MYO16: variants seen among roughly 807,000 people sequenced by gnomAD.
MYO16 encodes the protein myosin XVI, also known as unconventional myosin-XVI.
A neutral mutation model predicts 205.3 loss-of-function variants in MYO16; 94 were observed. The ratio of observed to expected loss-of-function variants is 0.46; its 90% CI spans 0.39 to 0.54. The LOEUF (loss-of-function observed/expected upper bound fraction) is 0.54. Among genes scored for constraint, MYO16 ranks in the 20% least tolerant of loss-of-function variants. The pLI is 0.00. For synonymous variants in MYO16, 988 were observed against 954.0 expected, an observed-to-expected ratio of 1.04 and a Z score of -0.66; for missense variants, 2,315 against 2,387.5, an observed-to-expected ratio of 0.97 and a Z score of 0.63.
chr13:108,577,435 C>T, the MYO16 span, among the ~76,000 whole-genome samples: 1 of 152,150 alleles, frequency 6.6e-6, no homozygotes, highest in African/African-American at 2.4e-5. Flanking sequence ...TGTGCTCCAG[C>T]ACCGGGCACC....
chr13:109,053,273 C>G (rs1887308819), intron 25 of MYO16, among the ~76,000 whole-genome samples: 1 of 151,974 alleles, frequency 6.6e-6, no homozygotes, highest in Admixed American at 6.6e-5. Context: ...TAATTAAATT[C>G]AATTCTATTT....
At position 108,910,038 on chromosome 13, in the gene MYO16, C is replaced by T; in HGVS notation, c.1813C>T (p.Leu605Phe). ...TACATATTTGCTAGAGAAATCCAGA[C>T]TTGTTTCACAACCTCTTGGCCAGAG... Reference protein sequence around the residue: ...IYTYLLEKSRLVSQPLGQSNF... With the variant: ...IYTYLLEKSRFVSQPLGQSNF... Residue 605 changes from leucine (L) to phenylalanine (F), a missense_variant, in exon 16 of 35, where the codon CTT (leucine) becomes TTT (phenylalanine). By Grantham distance (22) the Leu-to-Phe change is conservative. Coordinates refer to ENST00000457511, the MANE Select transcript of MYO16 (RefSeq NM_001198950.3). 1.2e-6 allele frequency: 2 copies of T among 1,613,464 alleles called. No homozygotes were observed. The highest frequency in any genetic ancestry group is 1.7e-6 in the Non-Finnish European group (2 of 1,179,656).
chr13:108,957,643 G>C (rs1468356297), intron 16 of MYO16, 45 bp from the exon 17 acceptor site: 1 of 1,379,746 alleles, frequency 7.2e-7, no homozygotes, highest in Non-Finnish European at 1.0e-6. Flanking sequence ...ACAGAAGTCT[G>C]ACCGGAAGCC....
intron 32 of MYO16, among the ~76,000 whole-genome samples, chr13:109,146,003 T>G (rs1877311580): frequency 6.6e-6 from 1 of 152,218 alleles, no homozygotes; most frequent in South Asian, 2.1e-4. Flanking sequence ...AGCTTATAAG[T>G]TATAAACAGG....
chr13:108,962,510 C>T lies in MYO16; in HGVS notation c.2227+15C>T, dbSNP rs371370650. On this transcript the variant is annotated intron_variant, in intron 19 of 34. Coordinates refer to ENST00000457511, the MANE Select transcript of MYO16 (RefSeq NM_001198950.3). Reference sequence around the variant, plus strand: ...ATATTTTAAAGGTAATTTTTTTATGCTCTAACATCTTTGTGCAATTTAGAA... The same window carrying T: ...ATATTTTAAAGGTAATTTTTTTATGTTCTAACATCTTTGTGCAATTTAGAA... The T allele has an allele frequency of 1.3e-6, 2 of 1,518,268 alleles. No homozygotes were observed. The highest frequency in any genetic ancestry group is 1.8e-6 in the Non-Finnish European group (2 of 1,113,334). The allele number at this position is 1,518,268 out of a possible 1,614,324, so 94.0% of individuals were successfully genotyped here.
At chr13:108,997,807 C>T (rs1360808575) in intron 21 of MYO16, among the ~76,000 whole-genome samples, 1 of 152,176 alleles carries the variant, frequency 6.6e-6, no homozygotes, top group African/African-American at 2.4e-5. Flanking sequence ...CACCGTACTC[C>T]AGCCTGGGCA....
At chr13:109,050,696 C>A (rs1594503111) in intron 24 of MYO16, among the ~76,000 whole-genome samples, 1 of 152,132 alleles carries the variant, frequency 6.6e-6, no homozygotes. Context: ...TAATAATTCC[C>A]ACTGCTTTAT....
chr13:108,805,215 G>C (rs1179054434), intron 6 of MYO16, among the ~76,000 whole-genome samples: 1 of 152,090 alleles, frequency 6.6e-6, no homozygotes, highest in Non-Finnish European at 1.5e-5. Context: ...ATATCATTTT[G>C]GGGACTGTTT....
intron 6 of MYO16, among the ~76,000 whole-genome samples, chr13:108,799,421 A>G (rs1886902108): frequency 6.6e-6 from 1 of 152,230 alleles, no homozygotes; most frequent in Non-Finnish European, 1.5e-5. Flanking sequence ...ATGTGCTTCT[A>G]TATCATTCCA....
At chr13:108,499,212 A>C in the MYO16 span, among the ~76,000 whole-genome samples, 2 of 152,176 alleles carry the variant, frequency 1.3e-5, no homozygotes, top group Non-Finnish European at 2.9e-5. Flanking sequence ...ACAACGCAAA[A>C]TTATAAAAAT....
chr13:108,694,812 T>G (rs994328115), intron 2 of MYO16, among the ~76,000 whole-genome samples: 1 of 152,194 alleles, frequency 6.6e-6, no homozygotes, highest in East Asian at 1.9e-4. Flanking sequence ...GAGGATTTCC[T>G]TCTAAGAGTA....
chr13:108,883,234 C>G, intron 13 of MYO16, 48 bp downstream of exon 13: 2 of 1,592,580 alleles, frequency 1.3e-6, no homozygotes, highest in Non-Finnish European at 1.7e-6. Flanking sequence ...TGCCACGGGG[C>G]TTGGCAGTAA....
intron 23 of MYO16, among the ~76,000 whole-genome samples, chr13:109,034,286 T>C (rs935751571): frequency 1.3e-5 from 2 of 152,182 alleles, no homozygotes; most frequent in African/African-American, 4.8e-5. Context: ...CCCACCCAAA[T>C]CTCATCTTGA....
At chr13:108,943,995 A>G (rs555716888) in intron 16 of MYO16, among the ~76,000 whole-genome samples, 1 of 152,352 alleles carries the variant, frequency 6.6e-6, no homozygotes, top group East Asian at 1.9e-4. Flanking sequence ...AGTGAGAAGG[A>G]CATTTAGAAC....
intron 7 of MYO16, among the ~76,000 whole-genome samples, chr13:108,811,054 G>T (rs1028063441): frequency 2.6e-5 from 4 of 152,026 alleles, no homozygotes; most frequent in African/African-American, 9.7e-5. Context: ...TTCTAGTCTT[G>T]TATGTATTTA....
chr13:109,014,291 A>G (rs1258318690), intron 22 of MYO16, among the ~76,000 whole-genome samples: 1 of 151,960 alleles, frequency 6.6e-6, no homozygotes, highest in Non-Finnish European at 1.5e-5. Context: ...GTGTGGTGTT[A>G]TTTCTGAGCC....
upstream of MYO16, among the ~76,000 whole-genome samples, chr13:108,627,344 A>C (rs1879782684): frequency 6.6e-6 from 1 of 152,180 alleles, no homozygotes; most frequent in Admixed American, 6.5e-5. Context: ...AAGTAGTTTA[A>C]GAAATCTGTG....
chr13:109,129,688 G>A (rs1419155540), intron 31 of MYO16, among the ~76,000 whole-genome samples: 2 of 152,136 alleles, frequency 1.3e-5, no homozygotes, highest in East Asian at 1.9e-4. Context: ...GAGAGGGTAC[G>A]AAATTAAGAC....
At position 109,159,499 on chromosome 13, in the gene MYO16, CT is replaced by C. The variant is rs375574340; in HGVS notation, c.5165-5397del. Among the ~76,000 whole-genome samples the C allele has an allele frequency of 2.2e-4, 33 of 152,220 alleles. No individual in the cohort carries two copies. The East Asian group carries it at 6.0e-3, about 28-fold the overall frequency. On this transcript the variant is annotated intron_variant, in intron 32 of 34. Coordinates refer to ENST00000457511, the MANE Select transcript of MYO16 (RefSeq NM_001198950.3). ...AATTTATTGTTCATTCATCTTTTTT[CT>C]TTTTCAACAAATATTAATTGAGTGC...
Sources: allele counts gnomAD v4.1 joint callset (sites outside exome capture counted in the v4.1 genomes callset), GRCh38; gene constraint gnomAD v4.1.1; transcripts MANE v1.5; gene names NCBI Gene and HGNC (gene_info 2026-07-23, HGNC 2026-07-21).